PTPRD: variants seen among roughly 807,000 people sequenced by gnomAD.
PTPRD encodes the protein receptor-type tyrosine-protein phosphatase delta.
A neutral mutation model predicts 214.5 loss-of-function variants in PTPRD; 34 were observed. That is an observed-to-expected ratio of 0.16 (90% CI 0.12 to 0.21). The LOEUF (loss-of-function observed/expected upper bound fraction) is 0.21, where lower values mean the gene tolerates loss of function less well. Ranked by LOEUF, PTPRD falls within the 10% of genes least tolerant of loss-of-function variation. PTPRD has a pLI of 1.00. For missense variants in PTPRD, 2,545 were observed against 2,398.7 expected, an observed-to-expected ratio of 1.06 and a Z score of -1.27; for synonymous variants, 1,128 against 845.7, an observed-to-expected ratio of 1.33 and a Z score of -5.79.
intron 9 of PTPRD, among the ~76,000 whole-genome samples, chr9:9,339,292 A>G (rs191656167): frequency 6.6e-6 from 1 of 151,536 alleles, no homozygotes; most frequent in African/African-American, 2.4e-5. Context: ...CCTGGCTAAC[A>G]TGGTGAAACC....
intron 2 of PTPRD, among the ~76,000 whole-genome samples, chr9:10,481,149 C>T (rs1305040896): frequency 6.6e-6 from 1 of 151,632 alleles, no homozygotes; most frequent in Non-Finnish European, 1.5e-5. Context: ...TAATGTGGTG[C>T]CTGTAATTTG....
chr9:8,811,201 G>A (rs1158997738), intron 11 of PTPRD, among the ~76,000 whole-genome samples: 1 of 152,062 alleles, frequency 6.6e-6, no homozygotes, highest in Non-Finnish European at 1.5e-5. Context: ...TCTCACTCAT[G>A]GACTCCATCT....
intron 9 of PTPRD, among the ~76,000 whole-genome samples, chr9:9,211,605 G>T (rs146223264): frequency 6.7e-6 from 1 of 149,976 alleles, no homozygotes; most frequent in African/African-American, 2.5e-5. Context: ...TAAATTACAA[G>T]ACCTTTAAGC....
intron 10 of PTPRD, among the ~76,000 whole-genome samples, chr9:9,084,777 C>T (rs935265420): frequency 2.6e-5 from 4 of 152,060 alleles, no homozygotes; most frequent in African/African-American, 9.7e-5. Flanking sequence ...GAGTAGATTG[C>T]TTCATAGTTC....
At chr9:10,484,584 C>T (rs566007226) in intron 2 of PTPRD, among the ~76,000 whole-genome samples, 2 of 152,164 alleles carry the variant, frequency 1.3e-5, no homozygotes, top group East Asian at 3.9e-4. Flanking sequence ...GCCATTTTAA[C>T]TGGGATAAGA....
chr9:10,503,090 T>C (rs138275760), intron 2 of PTPRD, among the ~76,000 whole-genome samples: 1 of 149,660 alleles, frequency 6.7e-6, no homozygotes, highest in Non-Finnish European at 1.5e-5. Context: ...CTCGGTCCAA[T>C]ACTCCCATTT....
chr9:8,444,630 T>G (rs1045828481), intron 34 of PTPRD, among the ~76,000 whole-genome samples: 1 of 152,084 alleles, frequency 6.6e-6, no homozygotes, highest in East Asian at 1.9e-4. Context: ...ATTATAAAAA[T>G]TTTCAAACGT....
intron 12 of PTPRD, among the ~76,000 whole-genome samples, chr9:8,663,941 T>A: frequency 6.6e-6 from 1 of 152,134 alleles, no homozygotes. Context: ...AAATGTTTTT[T>A]AAATCACTGT....
chr9:8,324,910 T>C (rs1322576299), intron 44 of PTPRD, among the ~76,000 whole-genome samples: 2 of 152,216 alleles, frequency 1.3e-5, no homozygotes, highest in East Asian at 3.9e-4. Flanking sequence ...TTTTGAGAAG[T>C]GTCTGTTCAT....
At chr9:8,544,333 C>T (rs1031792332) in intron 14 of PTPRD, among the ~76,000 whole-genome samples, 3 of 151,644 alleles carry the variant, frequency 2.0e-5, no homozygotes, top group East Asian at 3.9e-4. Context: ...CCGCCTGTAT[C>T]GGCCTCCCAA....
intron 39 of PTPRD, among the ~76,000 whole-genome samples, chr9:8,345,960 G>T (rs1857220173): frequency 1.3e-5 from 2 of 152,016 alleles, no homozygotes; most frequent in African/African-American, 4.8e-5. Context: ...TCTCTCAGTA[G>T]TAGTCTCCAA....
intron 5 of PTPRD, among the ~76,000 whole-genome samples, chr9:9,784,348 A>T (rs956258489): frequency 6.6e-6 from 1 of 152,088 alleles, no homozygotes; most frequent in Non-Finnish European, 1.5e-5. Flanking sequence ...CTAGTGACGT[A>T]ATTTTTATTT....
At chr9:10,558,799 T>TA (rs764445878) in intron 2 of PTPRD, among the ~76,000 whole-genome samples, 1 of 152,140 alleles carries the variant, frequency 6.6e-6, no homozygotes, top group Non-Finnish European at 1.5e-5. Flanking sequence ...TGTAAGCATG[T>TA]AAAAACAATA....
chr9:9,716,713 T>C (rs1321129463), intron 7 of PTPRD, among the ~76,000 whole-genome samples: 2 of 152,176 alleles, frequency 1.3e-5, no homozygotes, highest in Non-Finnish European at 2.9e-5. Context: ...TTTTTTCTTG[T>C]AAATTTGTTT....
chr9:9,377,047 G>A (rs1215297966), intron 9 of PTPRD, among the ~76,000 whole-genome samples: 1 of 151,884 alleles, frequency 6.6e-6, no homozygotes, highest in Admixed American at 6.6e-5. Flanking sequence ...GCTAAAGGAA[G>A]AATTTGGCTG....
chr9:9,099,487 G>A (rs2099788338), intron 10 of PTPRD, among the ~76,000 whole-genome samples: 2 of 152,160 alleles, frequency 1.3e-5, no homozygotes, highest in Admixed American at 6.6e-5. Flanking sequence ...TTTTATGCCT[G>A]CCTGGGTGTG....
At chr9:9,507,772 A>C (rs1346821119) in intron 8 of PTPRD, among the ~76,000 whole-genome samples, 1 of 151,446 alleles carries the variant, frequency 6.6e-6, no homozygotes, top group Non-Finnish European at 1.5e-5. Flanking sequence ...ATCCAGATGC[A>C]GATAAAAATC....
At chr9:8,776,747 T>A (rs973151414) in intron 11 of PTPRD, among the ~76,000 whole-genome samples, 20 of 149,840 alleles carry the variant, frequency 1.3e-4, no homozygotes, top group Non-Finnish European at 2.2e-4. Context: ...ATTTTTAGAA[T>A]AGGCTATTTT....
At chr9:10,110,442 C>T (rs1295772784) in intron 3 of PTPRD, among the ~76,000 whole-genome samples, 1 of 152,150 alleles carries the variant, frequency 6.6e-6, no homozygotes, top group African/African-American at 2.4e-5. Context: ...GGGATGAGCT[C>T]TCCATTATAG....
Sources: allele counts gnomAD v4.1 joint callset (sites outside exome capture counted in the v4.1 genomes callset), GRCh38; gene constraint gnomAD v4.1.1; transcripts MANE v1.5; gene names NCBI Gene and HGNC (gene_info 2026-07-23, HGNC 2026-07-21).